HCN1: variants seen among roughly 807,000 people sequenced by gnomAD.
HCN1 encodes hyperpolarization activated cyclic nucleotide gated potassium channel 1.
HCN1 carries 13 observed loss-of-function variants against 78.9 expected under a neutral mutation model. The observed-to-expected ratio is 0.16, with a 90% CI of 0.11 to 0.26. The LOEUF (loss-of-function observed/expected upper bound fraction) is 0.26, where lower values mean the gene tolerates loss of function less well. Ranked by LOEUF, HCN1 falls within the 10% of genes least tolerant of loss-of-function variation. The pLI, the probability that HCN1 is intolerant of heterozygous loss-of-function variation, is 1.00. For synonymous variants in HCN1, 552 were observed against 455.5 expected (o/e 1.21, Z -2.70); for missense variants, 810 against 1,154.3 (o/e 0.70, Z 4.32).
chr5:45,357,781 T>C (rs1015240471), intron 4 of HCN1, among the ~76,000 whole-genome samples: 1 of 152,032 alleles, frequency 6.6e-6, no homozygotes, highest in African/African-American at 2.4e-5. Context: ...AACTTCATGT[T>C]GAGATTTTAT....
chr5:45,466,423 T>A (rs1741272320), intron 2 of HCN1, among the ~76,000 whole-genome samples: 1 of 152,192 alleles, frequency 6.6e-6, no homozygotes, highest in Admixed American at 6.5e-5. Flanking sequence ...GTGATCTCAA[T>A]ATTGATTCAA....
chr5:45,651,721 T>G (rs770359774), intron 1 of HCN1, among the ~76,000 whole-genome samples: 2 of 151,962 alleles, frequency 1.3e-5, no homozygotes, highest in Non-Finnish European at 2.9e-5. Flanking sequence ...GGAAAGATAT[T>G]TTGTAAAATA....
chr5:45,498,659 C>A (rs1742112252), intron 2 of HCN1, among the ~76,000 whole-genome samples: 1 of 152,150 alleles, frequency 6.6e-6, no homozygotes, highest in Admixed American at 6.6e-5. Flanking sequence ...AGGAGAGGTG[C>A]TCTGCTTTTT....
At chr5:45,357,496 T>A (rs1167671377) in intron 4 of HCN1, among the ~76,000 whole-genome samples, 1 of 152,130 alleles carries the variant, frequency 6.6e-6, no homozygotes, top group African/African-American at 2.4e-5. Context: ...TTAGAAAACA[T>A]TAATTCCGCC....
chr5:45,294,590 T>C (rs866611010), intron 6 of HCN1, among the ~76,000 whole-genome samples: 7 of 152,044 alleles, frequency 4.6e-5, no homozygotes, highest in Admixed American at 1.3e-4. Context: ...AAATAAATTA[T>C]ATTAGAAAAA....
intron 4 of HCN1, among the ~76,000 whole-genome samples, chr5:45,387,001 C>T (rs537287787): frequency 1.1e-3 from 173 of 152,026 alleles, no homozygotes; most frequent in African/African-American, 4.1e-3. Flanking sequence ...AAGATAATTT[C>T]ACTTGGCAAA....
intron 2 of HCN1, among the ~76,000 whole-genome samples, chr5:45,515,810 A>G (rs575656251): frequency 3.0e-4 from 46 of 151,992 alleles, no homozygotes; most frequent in Admixed American, 5.9e-4. Flanking sequence ...CATGACAAAC[A>G]TATAAACTTT....
rs1176503600 is a variant in HCN1 at position 45,302,147 on chromosome 5, TC to T, written c.1618+1451del. 2.6e-5 allele frequency among the ~76,000 whole-genome samples: 4 copies of T among 152,118 alleles called. 1 individual carries two copies. The East Asian group carries it at 5.8e-4, about 22-fold the overall frequency. ...CAAGATAATATGGTTTGGCTCTATG[TC>T]CCCCCAACAAATTTCATCTCAAATT... On this transcript the variant is annotated intron_variant, in intron 6 of 7. Transcript: ENST00000303230.
intron 2 of HCN1, among the ~76,000 whole-genome samples, chr5:45,562,675 T>C (rs1743628697): frequency 6.6e-6 from 1 of 152,152 alleles, no homozygotes; most frequent in Non-Finnish European, 1.5e-5. Flanking sequence ...TTTAGAATAT[T>C]AAGAATGTGA....
chr5:45,257,862 G>T lies in HCN1; in HGVS notation c.*4059C>A, dbSNP rs1744651026. On this transcript the variant is annotated 3_prime_UTR_variant, in exon 8 of 8. Transcript: ENST00000303230. ...CAATTTGGTGCATGCAGCAACCACA[G>T]TTCCTTAAATTTTTGGCCATTGTTT... The T allele has an allele frequency of 6.6e-6, 1 of 151,916 alleles. No individual in the cohort carries two copies. Among genetic ancestry groups the T allele is most frequent in the African/African-American group, 2.4e-5 (1 of 41,234 alleles). 9.4% of individuals were successfully genotyped at this position (151,916 alleles called of 1,614,324 possible). A position where few individuals can be genotyped will look rare whatever the true frequency, so the allele number is the denominator to read the frequency against.
At chr5:45,265,386 T>A (rs1376223577) in intron 7 of HCN1, among the ~76,000 whole-genome samples, 2 of 152,160 alleles carry the variant, frequency 1.3e-5, no homozygotes, top group African/African-American at 4.8e-5. Flanking sequence ...AGGGAAGTTA[T>A]TTTCCAATTA....
At chr5:45,442,329 A>G (rs935781907) in intron 3 of HCN1, among the ~76,000 whole-genome samples, 9 of 152,090 alleles carry the variant, frequency 5.9e-5, no homozygotes, top group Admixed American at 1.3e-4. Context: ...ATACCAACAT[A>G]TCTAGAGGCA....
chr5:45,433,525 C>T (rs1740505204), intron 3 of HCN1, among the ~76,000 whole-genome samples: 1 of 151,396 alleles, frequency 6.6e-6, no homozygotes, highest in African/African-American at 2.4e-5. Flanking sequence ...GCTTCTTTAT[C>T]CAACTTGGCA....
chr5:45,654,020 G>C (rs1745724340), intron 1 of HCN1, among the ~76,000 whole-genome samples: 1 of 152,040 alleles, frequency 6.6e-6, no homozygotes, highest in Non-Finnish European at 1.5e-5. Context: ...GTAGAATTAT[G>C]ATGCACGTTT....
chr5:45,515,128 G>A (rs1276969751), intron 2 of HCN1, among the ~76,000 whole-genome samples: 1 of 151,134 alleles, frequency 6.6e-6, no homozygotes, highest in Admixed American at 6.6e-5. Flanking sequence ...TTAACATATC[G>A]AGGACAGAAG....
chr5:45,326,975 T>C (rs1746247032), intron 5 of HCN1, among the ~76,000 whole-genome samples: 1 of 151,632 alleles, frequency 6.6e-6, no homozygotes, highest in Non-Finnish European at 1.5e-5. Flanking sequence ...GGGAAAAATA[T>C]AGAAGCAGAC....
chr5:45,534,223 C>T (rs1194781757), intron 2 of HCN1, among the ~76,000 whole-genome samples: 2 of 150,748 alleles, frequency 1.3e-5, no homozygotes, highest in African/African-American at 4.9e-5. Context: ...CAGTGAAACA[C>T]CCGTCTCTAC....
intron 2 of HCN1, among the ~76,000 whole-genome samples, chr5:45,495,489 G>A (rs1742005816): frequency 6.6e-6 from 1 of 151,482 alleles, no homozygotes; most frequent in Non-Finnish European, 1.5e-5. Context: ...ATCAGCTTAA[G>A]GAGATTTTGG....
chr5:45,334,314 C>G (rs1746407432), intron 5 of HCN1, among the ~76,000 whole-genome samples: 1 of 151,778 alleles, frequency 6.6e-6, no homozygotes, highest in African/African-American at 2.4e-5. Flanking sequence ...GTGTTCTTTA[C>G]ATCTTGTATC....
Sources: allele counts gnomAD v4.1 joint callset (sites outside exome capture counted in the v4.1 genomes callset), GRCh38; gene constraint gnomAD v4.1.1; transcripts MANE v1.5; gene names NCBI Gene and HGNC (gene_info 2026-07-23, HGNC 2026-07-21).